Variants in IQSEC2 observed in about 807,000 individuals in gnomAD.
IQSEC2 encodes IQ motif and Sec7 domain ArfGEF 2.
A neutral mutation model predicts 74.6 loss-of-function variants in IQSEC2; 6 were observed. The observed-to-expected ratio is 0.08, with a 90% CI of 0.04 to 0.16. The LOEUF (loss-of-function observed/expected upper bound fraction) is 0.16. IQSEC2 is among the 10% of genes least tolerant of loss of function. IQSEC2 has a pLI of 1.00. For missense variants in IQSEC2, 734 were observed against 1,306.2 expected (o/e 0.56, Z 6.75); for synonymous variants, 494 against 544.5 (o/e 0.91, Z 1.29).
At chrX:53,297,857 T>TTACA (rs1556874666) in intron 1 of IQSEC2, among the ~76,000 whole-genome samples, 64 of 111,030 alleles carry the variant, frequency 5.8e-4, no homozygotes, top group African/African-American at 2.0e-3. Flanking sequence ...AGGCCAGGCG[T>TTACA]GGTGGCTCAT....
chrX:53,250,571 C>T lies in IQSEC2; in HGVS notation c.2005G>A (p.Gly669Ser). The change falls in exon 5 of 15, where the codon GGC becomes AGC. Residue 669 changes from glycine to serine, a missense_variant. By Grantham distance (56) the Gly-to-Ser change is moderately conservative. Coordinates refer to ENST00000642864, the MANE Select transcript of IQSEC2 (RefSeq NM_001111125.3). ...CCAGCCACACCACTGGGCCCAGTGCCACTGTTGGGGGCTGGTGGCAGGGGC... is the reference window on the plus strand; with the variant it reads ...CCAGCCACACCACTGGGCCCAGTGCTACTGTTGGGGGCTGGTGGCAGGGGC... ...PGPLPPAPNS[G>S]TGPSGVAGGR... 2 of 1,211,180 alleles carry T rather than the reference C, an allele frequency of 1.7e-6. No individual in the cohort carries two copies.
intron 2 of IQSEC2, among the ~76,000 whole-genome samples, chrX:53,275,728 CT>C (rs1219701474): frequency 1.4e-3 from 116 of 81,687 alleles, no homozygotes; most frequent in East Asian, 1.0e-2. Flanking sequence ...TGCCCTCATT[CT>C]TTTTTTTTTT....
At chrX:53,311,745 G>A (rs2075323980) in intron 1 of IQSEC2, among the ~76,000 whole-genome samples, 1 of 111,275 alleles carries the variant, frequency 9.0e-6, no homozygotes, top group African/African-American at 3.3e-5. Flanking sequence ...GCAAAACCCT[G>A]TCTCTACTAA....
chrX:53,281,482 G>A (rs781857935), intron 2 of IQSEC2: 2 of 1,039,627 alleles, frequency 1.9e-6, no homozygotes, highest in South Asian at 2.0e-5. Flanking sequence ...AGGCTGCGGG[G>A]CCCAGGTTCC....
At chrX:53,267,938 T>A (rs1384449101) in intron 2 of IQSEC2, among the ~76,000 whole-genome samples, 1 of 112,214 alleles carries the variant, frequency 8.9e-6, no homozygotes, top group Non-Finnish European at 1.9e-5. Flanking sequence ...TGAATCTAAT[T>A]CCCAAAGTGG....
intron 1 of IQSEC2, among the ~76,000 whole-genome samples, chrX:53,307,998 T>C (rs2146496263): frequency 9.3e-6 from 1 of 107,590 alleles, no homozygotes; most frequent in East Asian, 2.9e-4. Context: ...ACTCCATCTC[T>C]ACTGAAAATA....
At chrX:53,240,619 C>T (rs1431439210) in intron 10 of IQSEC2, among the ~76,000 whole-genome samples, 3 of 112,005 alleles carry the variant, frequency 2.7e-5, no homozygotes, top group Admixed American at 9.4e-5. Context: ...TAGAGGAAGG[C>T]GGCTTTCTGT....
In IQSEC2 at chrX:53,290,480, G is replaced by A. The variant is rs781932019; in HGVS notation, c.737+1415C>T. Among the ~76,000 whole-genome samples, 5 of 111,837 alleles carry A rather than the reference G, an allele frequency of 4.5e-5. No individual in the cohort carries two copies. In the East Asian group the frequency reaches 1.1e-3, roughly 25 times the overall value. On this transcript the variant is annotated intron_variant, in intron 2 of 14. Transcript: ENST00000642864. Reference sequence around the variant, plus strand: ...GGATGCTTGCAGGAGCCCCGTGCTCGGGTGGCCTCTCTCCAAACCCACGGT... The same window carrying A: ...GGATGCTTGCAGGAGCCCCGTGCTCAGGTGGCCTCTCTCCAAACCCACGGT...
chrX:53,280,640 C>A (rs2074940820), intron 2 of IQSEC2, among the ~76,000 whole-genome samples: 2 of 110,329 alleles, frequency 1.8e-5, no homozygotes, highest in South Asian at 7.9e-4. Flanking sequence ...GGCCCACACT[C>A]CACCCCTGAT....
At chrX:53,306,450 T>C (rs2075264038) in intron 1 of IQSEC2, among the ~76,000 whole-genome samples, 1 of 110,521 alleles carries the variant, frequency 9.0e-6, no homozygotes, top group Non-Finnish European at 1.9e-5. Flanking sequence ...AGGAAAGGGG[T>C]GCTCTGGAGG....
intron 1 of IQSEC2, 125 bp downstream of exon 1, chrX:53,320,292 C>T: frequency 1.5e-6 from 1 of 660,133 alleles, no homozygotes; most frequent in Admixed American, 3.0e-5. Flanking sequence ...GACCTGGCTT[C>T]TCCTGGCGGG....
rs781897904 is a variant in IQSEC2 at position 53,255,847 on chromosome X, C to T, written c.952G>A (p.Ala318Thr). The change falls in exon 3 of 15, where the codon GCC becomes ACC. Residue 318 changes from alanine (A) to threonine (T), a missense_variant. By Grantham distance (58) the Ala-to-Thr change is moderately conservative (BLOSUM62 0). Around this residue, in one of 12 missense-constraint regions of IQSEC2, gnomAD observed 54 missense variants for 62.1 expected, o/e 0.87. Coordinates refer to ENST00000642864, the MANE Select transcript of IQSEC2 (RefSeq NM_001111125.3). Reference protein sequence around the residue: ...QEEEEIKRSKALSDSYELSTD... With the variant: ...QEEEEIKRSKTLSDSYELSTD... ...GAGAGTTCATAGCTGTCCGATAGGG[C>T]CTTGGAGCGCTTTATCTCCTCCTCC... 1 of 1,211,657 alleles carries T rather than the reference C, an allele frequency of 8.3e-7. No homozygotes were observed.
chrX:53,264,282 G>A (rs984498015), intron 2 of IQSEC2, among the ~76,000 whole-genome samples: 3 of 111,493 alleles, frequency 2.7e-5, no homozygotes, highest in African/African-American at 6.5e-5. Flanking sequence ...GAGGATGGCC[G>A]GCCACATGGA....
intron 2 of IQSEC2, among the ~76,000 whole-genome samples, chrX:53,270,642 TG>T (rs1236694719): frequency 1.8e-5 from 2 of 112,467 alleles, no homozygotes; most frequent in Admixed American, 1.9e-4. Context: ...TTTATTTTTC[TG>T]TCTCACTCAC....
chrX:53,291,731 A>G (rs1602349905), intron 2 of IQSEC2, among the ~76,000 whole-genome samples, 164 bp downstream of exon 2: 1 of 110,307 alleles, frequency 9.1e-6, no homozygotes, highest in Non-Finnish European at 1.9e-5. Flanking sequence ...ACATCCCCCA[A>G]CTGCCCTCTC....
intron 4 of IQSEC2, 75 bp downstream of exon 4, chrX:53,254,455 C>T: frequency 2.0e-6 from 2 of 1,022,393 alleles, no homozygotes; most frequent in Non-Finnish European, 2.6e-6. Flanking sequence ...TTTCAGTTTG[C>T]AATCTAGGTA....
chrX:53,254,590 G>A lies in IQSEC2; in HGVS notation c.1341C>T (p.Val447=), dbSNP rs1361283835. 2.7e-5 allele frequency: 32 copies of A among 1,190,699 alleles called. No homozygotes were observed. The highest frequency in any genetic ancestry group is 3.5e-5 in the Non-Finnish European group (31 of 886,554). The change falls in exon 4 of 15, where the codon GTC becomes GTT. Residue 447 remains valine (V), a synonymous_variant. Coordinates refer to ENST00000642864, the MANE Select transcript of IQSEC2 (RefSeq NM_001111125.3). ...CATTAGAAAACTCTCCAGATGTGGT[G>A]ACGGAGCTTCCACCACCATCGATGC... is the stretch of plus-strand genomic sequence containing the variant. ...GGGIDGGGSS[V]TTSGEFSNDI... is the part of the protein sequence containing the mutation.
chrX:53,255,974 G>A lies in IQSEC2; in HGVS notation c.825C>T (p.Pro275=). 2 of 1,192,903 alleles carry A rather than the reference G, an allele frequency of 1.7e-6. No individual in the cohort carries two copies. The highest frequency in any genetic ancestry group is 2.3e-6 in the Non-Finnish European group (2 of 884,385). ...GGCCCCCCATGTGGCTGCTGGAGGGGGGCAGCTGGCTCAGCCGGTAGGGGG... is the reference window on the plus strand; with the variant it reads ...GGCCCCCCATGTGGCTGCTGGAGGGAGGCAGCTGGCTCAGCCGGTAGGGGG... The part of the protein sequence containing the change: ...SQPPYRLSQL[P]PSSSHMGGPP... The change falls in exon 3 of 15, where the codon CCC becomes CCT. Residue 275 remains proline (P), a synonymous_variant. Transcript: ENST00000642864.
At chrX:53,263,766 C>T (rs1473634010) in intron 2 of IQSEC2, among the ~76,000 whole-genome samples, 1 of 111,672 alleles carries the variant, frequency 9.0e-6, no homozygotes, top group Non-Finnish European at 1.9e-5. Flanking sequence ...ACTCCCTCCC[C>T]TGTGTCTTAT....
Sources: allele counts gnomAD v4.1 joint callset (sites outside exome capture counted in the v4.1 genomes callset), GRCh38; gene constraint gnomAD v4.1.1; regional missense constraint gnomAD v4.1.1; transcripts MANE v1.5; gene names NCBI Gene and HGNC (gene_info 2026-07-23, HGNC 2026-07-21).